Variants in RBFOX1 observed in about 807,000 individuals in gnomAD.
The protein encoded by RBFOX1 is RNA binding protein fox-1 homolog 1.
In RBFOX1, 8 loss-of-function variants were observed where a neutral mutation model predicts 57.7. That is an observed-to-expected ratio of 0.14 (90% confidence interval 0.08 to 0.25). The LOEUF is 0.25. Ranked by LOEUF, RBFOX1 falls within the 10% of genes least tolerant of loss-of-function variation. The pLI is 1.00. For synonymous variants in RBFOX1, 326 were observed against 222.4 expected (o/e 1.47, Z -4.15); for missense variants, 611 against 548.5 (o/e 1.11, Z -1.14).
At chr16:6,852,133 C>G (rs750852103) in intron 3 of RBFOX1, among the ~76,000 whole-genome samples, 36 of 152,006 alleles carry the variant, frequency 2.4e-4, no homozygotes, top group Non-Finnish European at 4.9e-4. Context: ...TATTATCTAA[C>G]AGTTTTGGTG....
chr16:6,872,241 A>C (rs1373345792), intron 3 of RBFOX1, among the ~76,000 whole-genome samples: 1 of 152,162 alleles, frequency 6.6e-6, no homozygotes, highest in Non-Finnish European at 1.5e-5. Context: ...AGATTTAATA[A>C]TTGTTGTGTA....
chr16:7,321,190 G>C (rs1393480730), intron 4 of RBFOX1, among the ~76,000 whole-genome samples: 2 of 151,880 alleles, frequency 1.3e-5, no homozygotes, highest in African/African-American at 4.8e-5. Flanking sequence ...TGCTGCCCAG[G>C]CTGGAGTGCA....
Position 5,947,521 on chromosome 16 carries a change from G to T in RBFOX1, c.351+80186G>T, listed in dbSNP as rs1482346654. Among the ~76,000 whole-genome samples the T allele has an allele frequency of 2.0e-5, 3 of 152,252 alleles. No individual in the cohort carries two copies. In the South Asian group the frequency reaches 6.2e-4, roughly 32 times the overall value. ...AAAATTTTTAGAGACAGGGGTCTCT[G>T]TATGTTGCCTAGGCTGGTGTCAGAC... is the stretch of plus-strand genomic sequence containing the variant. On this transcript the variant is annotated intron_variant, in intron 4 of 19. Transcript: ENST00000641259. This position sits in a 1 kb window ranked among gnomAD's most constrained non-coding sequence, Gnocchi z 7.2.
intron 1 of RBFOX1, among the ~76,000 whole-genome samples, chr16:6,121,133 G>A (rs1002378612): frequency 1.3e-5 from 2 of 152,140 alleles, no homozygotes; most frequent in African/African-American, 4.8e-5. Flanking sequence ...CACCTGGTGT[G>A]TCCTGTATGT....
chr16:7,299,873 A>G (rs1427515650), intron 4 of RBFOX1, among the ~76,000 whole-genome samples: 1 of 152,234 alleles, frequency 6.6e-6, no homozygotes, highest in Non-Finnish European at 1.5e-5. Context: ...TGTAAGTTGA[A>G]AATATCATAA....
intron 4 of RBFOX1, among the ~76,000 whole-genome samples, chr16:7,123,510 G>C (rs1273646201): frequency 6.6e-6 from 1 of 152,056 alleles, no homozygotes; most frequent in East Asian, 1.9e-4. Context: ...GACTACAGGT[G>C]CACCTCAACA....
At chr16:6,452,110 C>G (rs1165741715) in intron 2 of RBFOX1, among the ~76,000 whole-genome samples, 2 of 148,250 alleles carry the variant, frequency 1.3e-5, no homozygotes, top group African/African-American at 5.0e-5. Flanking sequence ...ATGGCTCCAT[C>G]CATGGCTCCT....
intron 4 of RBFOX1, among the ~76,000 whole-genome samples, chr16:5,990,064 C>T (rs1463394797): frequency 6.6e-6 from 1 of 152,154 alleles, no homozygotes; most frequent in Non-Finnish European, 1.5e-5. Context: ...TGGTTCACTG[C>T]AGCCTCAAAC....
At chr16:6,014,759 T>G (rs1423852208), upstream of RBFOX1, among the ~76,000 whole-genome samples, 1 of 152,052 alleles carries the variant, frequency 6.6e-6, no homozygotes, top group Non-Finnish European at 1.5e-5. Flanking sequence ...GAACCCAGAG[T>G]CATTTATGGA....
At chr16:7,019,790 C>T (rs540244782) in intron 3 of RBFOX1, among the ~76,000 whole-genome samples, 1 of 152,062 alleles carries the variant, frequency 6.6e-6, no homozygotes, top group African/African-American at 2.4e-5. Flanking sequence ...AAGGAAATAC[C>T]CACGCCCCAA....
At chr16:6,246,489 T>C (rs2097569827) in intron 1 of RBFOX1, among the ~76,000 whole-genome samples, 1 of 152,126 alleles carries the variant, frequency 6.6e-6, no homozygotes, top group African/African-American at 2.4e-5. Context: ...TTGGCTTGGC[T>C]TTGAGCTCAC....
At chr16:6,791,362 T>A (rs563340187) in intron 3 of RBFOX1, among the ~76,000 whole-genome samples, 1 of 152,338 alleles carries the variant, frequency 6.6e-6, no homozygotes, top group East Asian at 1.9e-4. Flanking sequence ...ATCAAATTAT[T>A]TCTCTTTCCA....
intron 3 of RBFOX1, among the ~76,000 whole-genome samples, chr16:5,640,408 A>C (rs55804704): frequency 6.6e-6 from 1 of 151,944 alleles, no homozygotes; most frequent in East Asian, 1.9e-4. Context: ...ACATATACAC[A>C]TGCACACCAT....
intron 3 of RBFOX1, among the ~76,000 whole-genome samples, chr16:5,654,951 C>T (rs753852524): frequency 6.6e-6 from 1 of 152,148 alleles, no homozygotes; most frequent in South Asian, 2.1e-4. Context: ...CAGCTCCCCC[C>T]CAGCAAGTAG....
intron 3 of RBFOX1, among the ~76,000 whole-genome samples, chr16:5,808,344 A>G (rs1478003099): frequency 6.6e-6 from 1 of 152,196 alleles, no homozygotes; most frequent in East Asian, 1.9e-4. Flanking sequence ...GTTTGAAGTC[A>G]GGTAGCTTGA....
intron 4 of RBFOX1, among the ~76,000 whole-genome samples, chr16:7,158,581 G>A (rs575665246): frequency 3.0e-4 from 46 of 152,210 alleles, no homozygotes; most frequent in African/African-American, 1.1e-3. Context: ...TTTGTGTGGT[G>A]TGTATGTGCC....
intron 11 of RBFOX1, among the ~76,000 whole-genome samples, chr16:7,643,155 G>C (rs1157444972): frequency 6.6e-6 from 1 of 152,214 alleles, no homozygotes; most frequent in Non-Finnish European, 1.5e-5. Context: ...CCTTCGCTCA[G>C]AGACACAAGG....
chr16:6,066,220 G>C (rs577155202), intron 1 of RBFOX1, among the ~76,000 whole-genome samples: 110 of 149,832 alleles, frequency 7.3e-4, no homozygotes, highest in Middle Eastern at 3.4e-3. Context: ...CTTGAACTGG[G>C]GGGGTTGGAG....
intron 3 of RBFOX1, among the ~76,000 whole-genome samples, chr16:5,698,377 A>G (rs1397119039): frequency 1.3e-5 from 2 of 152,140 alleles, no homozygotes. Context: ...TAGATAGACA[A>G]GGCAACTTTG....
Sources: allele counts gnomAD v4.1 joint callset (sites outside exome capture counted in the v4.1 genomes callset), GRCh38; gene constraint gnomAD v4.1.1; non-coding constraint Gnocchi (gnomAD v3.1); transcripts MANE v1.5; gene names NCBI Gene and HGNC (gene_info 2026-07-23, HGNC 2026-07-21).